The following NAALADL2 variants were observed in gnomAD, a reference collection of about 807,000 sequenced individuals.
The protein encoded by NAALADL2 is inactive N-acetylated-alpha-linked acidic dipeptidase-like protein 2.
A neutral mutation model predicts 87.2 loss-of-function variants in NAALADL2; 76 were observed. The observed-to-expected ratio is 0.87, with a 90% CI of 0.72 to 1.05. The LOEUF (loss-of-function observed/expected upper bound fraction) is 1.05. NAALADL2 is among the 50% of genes least tolerant of loss of function. The pLI is 0.00. For missense variants in NAALADL2, 1,089 were observed against 945.8 expected, an observed-to-expected ratio of 1.15 and a Z score of -1.99; for synonymous variants, 354 against 331.0, an observed-to-expected ratio of 1.07 and a Z score of -0.75.
intron 5 of NAALADL2, among the ~76,000 whole-genome samples, chr3:175,431,719 T>C (rs748565762): frequency 5.3e-5 from 8 of 152,064 alleles, no homozygotes; most frequent in Non-Finnish European, 8.8e-5. Context: ...TATTTTACTT[T>C]ATTTATAGGC....
chr3:175,057,587 C>G (rs976639911), intron 1 of NAALADL2, among the ~76,000 whole-genome samples: 3 of 152,194 alleles, frequency 2.0e-5, no homozygotes, highest in Admixed American at 1.3e-4. Flanking sequence ...CAAGTAGACT[C>G]ATTAACATTC....
intron 10 of NAALADL2, among the ~76,000 whole-genome samples, chr3:175,620,607 C>G (rs1726079342): frequency 6.6e-6 from 1 of 152,176 alleles, no homozygotes; most frequent in Non-Finnish European, 1.5e-5. Flanking sequence ...GGCTTTTTCA[C>G]TCCCGCAATT....
At chr3:174,457,708 C>G (rs1715934230) in intron 1 of NAALADL2, among the ~76,000 whole-genome samples, 1 of 151,974 alleles carries the variant, frequency 6.6e-6, no homozygotes, top group South Asian at 2.1e-4. Context: ...CCTGTAATCT[C>G]AGCTACTCAG....
chr3:174,457,475 T>G (rs1715917672), intron 1 of NAALADL2, among the ~76,000 whole-genome samples: 1 of 151,998 alleles, frequency 6.6e-6, no homozygotes. Flanking sequence ...GTGGACTGGA[T>G]AAAGAAAATG....
chr3:175,045,961 TAA>T (rs1754616938), intron 1 of NAALADL2, among the ~76,000 whole-genome samples: 2 of 151,826 alleles, frequency 1.3e-5, no homozygotes. Flanking sequence ...CATTCAGAGA[TAA>T]GAGACACTCA....
chr3:174,442,387 A>AT (rs5854571), intron 1 of NAALADL2, among the ~76,000 whole-genome samples: 148,665 of 151,970 alleles, frequency 0.98, 72,727 homozygotes, highest in African/African-American at 0.99. Context: ...TTTTTTAGAG[A>AT]TTTTTTTTCT....
chr3:175,493,492 T>C (rs1174175701), intron 9 of NAALADL2, among the ~76,000 whole-genome samples: 1 of 152,100 alleles, frequency 6.6e-6, no homozygotes, highest in Non-Finnish European at 1.5e-5. Flanking sequence ...CCAAGCTCAA[T>C]TCTCATATTA....
intron 3 of NAALADL2, among the ~76,000 whole-genome samples, chr3:174,768,056 G>T (rs540169): frequency 0.53 from 79,888 of 151,680 alleles, 21,385 homozygotes; most frequent in Middle Eastern, 0.64. Context: ...AAACGTACTA[G>T]GAGAAGCAAG....
At chr3:174,850,533 A>G (rs1725128014) in intron 3 of NAALADL2, among the ~76,000 whole-genome samples, 1 of 152,194 alleles carries the variant, frequency 6.6e-6, no homozygotes. Flanking sequence ...AGAAAATATC[A>G]TATAATGATA....
At chr3:175,342,588 G>A (rs1356941512) in intron 5 of NAALADL2, among the ~76,000 whole-genome samples, 1 of 151,714 alleles carries the variant, frequency 6.6e-6, no homozygotes, top group Admixed American at 6.6e-5. Flanking sequence ...TCAAGTCTCC[G>A]GAGGTGCTCT....
chr3:174,813,906 TTAAC>T (rs1472366405), intron 3 of NAALADL2, among the ~76,000 whole-genome samples: 1 of 152,086 alleles, frequency 6.6e-6, no homozygotes, highest in Non-Finnish European at 1.5e-5. Flanking sequence ...GTATAGCTCT[TTAAC>T]AGATAGGTAG....
At chr3:174,882,875 GTATATGTGTA>G (rs1560320137) in intron 1 of NAALADL2, among the ~76,000 whole-genome samples, 1 of 146,072 alleles carries the variant, frequency 6.8e-6, no homozygotes, top group African/African-American at 2.6e-5. Context: ...GTGTATATGT[GTATATGTGTA>G]TATATGTATA....
At chr3:174,940,504 T>G (rs1192155299) in intron 1 of NAALADL2, among the ~76,000 whole-genome samples, 2 of 152,154 alleles carry the variant, frequency 1.3e-5, no homozygotes, top group Non-Finnish European at 2.9e-5. Context: ...GTATTTGGTA[T>G]CAGGATGATG....
chr3:175,479,266 A>C (rs1726125404), intron 9 of NAALADL2, among the ~76,000 whole-genome samples: 1 of 151,884 alleles, frequency 6.6e-6, no homozygotes, highest in Non-Finnish European at 1.5e-5. Flanking sequence ...AAGGTAATCA[A>C]TGTAATAATA....
At chr3:174,555,869 G>T (rs979146537) in intron 2 of NAALADL2, among the ~76,000 whole-genome samples, 1 of 151,882 alleles carries the variant, frequency 6.6e-6, no homozygotes, top group Non-Finnish European at 1.5e-5. Context: ...TCCTGTTTCC[G>T]CTATTTTCTC....
chr3:174,521,701 C>T (rs1578075880), intron 1 of NAALADL2, among the ~76,000 whole-genome samples: 2 of 151,500 alleles, frequency 1.3e-5, no homozygotes, highest in East Asian at 3.9e-4. Context: ...TCAAATACCA[C>T]ATGTTCTTGC....
chr3:175,660,989 T>G (rs1437010040), intron 11 of NAALADL2, among the ~76,000 whole-genome samples: 1 of 152,122 alleles, frequency 6.6e-6, no homozygotes, highest in Admixed American at 6.6e-5. Flanking sequence ...ATATACTGAT[T>G]TTCTTTCTTT....
At chr3:174,618,914 C>T (rs937692021) in intron 2 of NAALADL2, among the ~76,000 whole-genome samples, 5 of 151,888 alleles carry the variant, frequency 3.3e-5, no homozygotes, top group African/African-American at 1.2e-4. Flanking sequence ...AGTAAAACCA[C>T]ATTCAAAGCA....
Position 175,337,379 on chromosome 3 carries a change from C to G in NAALADL2, c.1090+13054C>G, listed in dbSNP as rs1199487130. The stretch of plus-strand genomic sequence containing the variant: ...TTTCAAAATTAATATGTTCAGTAAA[C>G]TCTAGCCCCTCAGAATAGGATTGTA... On this transcript the variant is annotated intron_variant, in intron 5 of 13. Transcript: ENST00000454872. 2.0e-5 allele frequency among the ~76,000 whole-genome samples: 3 copies of G among 152,186 alleles called. No individual in the cohort carries two copies. In the South Asian group the frequency reaches 6.2e-4, roughly 32 times the overall value.
Sources: gnomAD v4.1 joint callset for allele counts (sites outside exome capture counted in the v4.1 genomes callset) on GRCh38, gnomAD v4.1.1 for gene constraint, MANE v1.5 for transcripts, NCBI Gene and HGNC (gene_info 2026-07-23, HGNC 2026-07-21) for gene names.